Variants in SAMM50 observed in about 807,000 individuals in gnomAD.
SAMM50 encodes sorting and assembly machinery component 50 homolog.
A neutral mutation model predicts 66.9 loss-of-function variants in SAMM50; 47 were observed. The ratio of observed to expected loss-of-function variants is 0.70; its 90% CI spans 0.56 to 0.90. The LOEUF is 0.90. Among genes scored for constraint, SAMM50 ranks in the 40% least tolerant of loss-of-function variants. The pLI, the probability that SAMM50 is intolerant of heterozygous loss-of-function variation, is 0.00. For synonymous variants in SAMM50, 191 were observed against 214.1 expected (o/e 0.89, Z 0.94); for missense variants, 535 against 595.3 (o/e 0.90, Z 1.05).
At chr22:43,959,423 A>G (rs2050137016) in intron 1 of SAMM50, among the ~76,000 whole-genome samples, 1 of 151,764 alleles carries the variant, frequency 6.6e-6, no homozygotes, top group Non-Finnish European at 1.5e-5. Context: ...CATGGTGCTC[A>G]ATACACACTT....
Position 43,989,177 on chromosome 22 carries a change from G to T in SAMM50, c.1142G>T (p.Arg381Leu), listed in dbSNP as rs765065046. The T allele has an allele frequency of 3.1e-6, 5 of 1,614,120 alleles. No homozygotes were observed. The highest frequency in any genetic ancestry group is 4.2e-6 in the Non-Finnish European group (5 of 1,180,034). The part of the protein sequence containing the change: ...GLHLYTPLPF[R>L]PGQGGFGELF... ...CACCTCTACACCCCATTACCTTTCC[G>T]GCCAGGCCAGGGTGGCTTTGGAGAA... Residue 381 changes from arginine (R) to leucine (L), a missense_variant, in exon 13 of 15, where the codon CGG becomes CTG. By Grantham distance (102) the Arg-to-Leu change is moderately radical. Coordinates refer to ENST00000350028, the MANE Select transcript of SAMM50 (RefSeq NM_015380.5).
chr22:43,987,873 GAAAA>G (rs1230920296), intron 12 of SAMM50: 5 of 149,250 alleles, frequency 3.4e-5, no homozygotes, highest in Non-Finnish European at 3.0e-5. Context: ...TATTAAAACT[GAAAA>G]AAAGTAGGAC....
At chr22:43,967,676 T>C (rs1158401493) in intron 3 of SAMM50, among the ~76,000 whole-genome samples, 1 of 152,214 alleles carries the variant, frequency 6.6e-6, no homozygotes, top group African/African-American at 2.4e-5. Flanking sequence ...TGTGATCCGT[T>C]CTTTCTCACA....
chr22:43,977,516 T>C (rs141099536), intron 9 of SAMM50, among the ~76,000 whole-genome samples: 101 of 152,304 alleles, frequency 6.6e-4, no homozygotes, highest in African/African-American at 2.3e-3. Flanking sequence ...ATCAGGTTTT[T>C]ATACAAAATA....
At chr22:43,972,790 A>G in intron 5 of SAMM50, 81 bp from the exon 6 acceptor site, 11 of 1,284,372 alleles carry the variant, frequency 8.6e-6, no homozygotes, top group Non-Finnish European at 1.1e-5. Flanking sequence ...AAAGTCCCTT[A>G]GCTAGCATAG....
chr22:43,996,453 C>T lies in SAMM50; in HGVS notation c.*70C>T, dbSNP rs115108392. On this transcript the variant is annotated 3_prime_UTR_variant, in exon 15 of 15. Coordinates refer to ENST00000350028, the MANE Select transcript of SAMM50 (RefSeq NM_015380.5). ...GGCGCCCATGCCACACACCGTCTCT[C>T]GAGGAAACGCGGTTCAGCGATTCTT... 8.7e-4 allele frequency: 1,236 copies of T among 1,420,036 alleles called. 8 individuals carry two copies. In the African/African-American group the frequency reaches 0.015, roughly 18 times the overall value. The allele number at this position is 1,420,036 out of a possible 1,614,324, so 88.0% of individuals were successfully genotyped here. A position where few individuals can be genotyped will look rare whatever the true frequency, so the allele number is the denominator to read the frequency against.
intron 2 of SAMM50, among the ~76,000 whole-genome samples, chr22:43,963,908 A>AAAT (rs766076678): frequency 4.0e-5 from 6 of 151,732 alleles, no homozygotes; most frequent in Non-Finnish European, 8.8e-5. Context: ...TGTTTTTTTT[A>AAAT]TTTTTAAAAT....
chr22:43,989,217 CTTCT>C lies in SAMM50; in HGVS notation c.1187_1190del (p.Phe396SerfsTer70), dbSNP rs762906209. The C allele has an allele frequency of 6.2e-7, 1 of 1,614,178 alleles. No homozygotes were observed. Among genetic ancestry groups the C allele is most frequent in the Non-Finnish European group, 8.5e-7 (1 of 1,180,034 alleles). On this transcript the variant is annotated frameshift_variant, in exon 13 of 15. Transcript: ENST00000350028. LOFTEE classifies it high-confidence loss of function. ...GCTTTGGAGAACTTTTCCGAACACA[CTTCT>C]TTCTCAACGCAGGAAACCTCTGCAA... is the stretch of plus-strand genomic sequence containing the variant.
In SAMM50 at chr22:43,996,402, A is replaced by G; in HGVS notation, c.*19A>G. On this transcript the variant is annotated 3_prime_UTR_variant, in exon 15 of 15. Coordinates refer to ENST00000350028, the MANE Select transcript of SAMM50 (RefSeq NM_015380.5). ...CCTGTAGCCGACACCCCTACAGGAGAAGCTCTGGGACTGGGGCAGCAGCAA... is the reference window on the plus strand; with the variant it reads ...CCTGTAGCCGACACCCCTACAGGAGGAGCTCTGGGACTGGGGCAGCAGCAA... The G allele has an allele frequency of 6.2e-7, 1 of 1,613,214 alleles. No individual in the cohort carries two copies. The highest frequency in any genetic ancestry group is 1.1e-5 in the South Asian group (1 of 91,046).
rs1369536613 is a variant in SAMM50, at chr22:43,961,115, G to A, written c.22-2171G>A. 2.6e-5 allele frequency among the ~76,000 whole-genome samples: 4 copies of A among 152,158 alleles called. No homozygotes were observed. The South Asian group carries it at 8.3e-4, about 32-fold the overall frequency. ...ATACTGGCAGGTCAGTTACCTTTCCGGGGAAAAGTGGATAGTAGCCCAGAG... is the reference window on the plus strand; with the variant it reads ...ATACTGGCAGGTCAGTTACCTTTCCAGGGAAAAGTGGATAGTAGCCCAGAG... On this transcript the variant is annotated intron_variant, in intron 1 of 14. Transcript: ENST00000350028.
At chr22:43,981,585 G>T in intron 11 of SAMM50, 124 bp downstream of exon 11, 3 of 643,476 alleles carry the variant, frequency 4.7e-6, no homozygotes, top group East Asian at 3.1e-5. Context: ...TATTCCTTTA[G>T]TATTTATGTT....
chr22:43,990,485 A>G (rs1229842143), intron 14 of SAMM50, 79 bp downstream of exon 14: 1 of 1,356,746 alleles, frequency 7.4e-7, no homozygotes, highest in Non-Finnish European at 1.0e-6. Context: ...GGTTAATTTC[A>G]TTAGTGGCTT....
chr22:43,990,135 C>T (rs2050315355), intron 13 of SAMM50, 130 bp from the exon 14 acceptor site: 1 of 1,022,318 alleles, frequency 9.8e-7, no homozygotes. Context: ...TGCATCCTCC[C>T]TAATCTCTAG....
At chr22:43,957,363 A>G in intron 1 of SAMM50, 2 of 515,374 alleles carry the variant, frequency 3.9e-6, no homozygotes, top group South Asian at 2.5e-5. Flanking sequence ...ATGAAAAGTC[A>G]ATAAATCAAT....
At chr22:43,973,489 C>T (rs1440772995) in intron 7 of SAMM50, among the ~76,000 whole-genome samples, 166 bp downstream of exon 7, 1 of 152,216 alleles carries the variant, frequency 6.6e-6, no homozygotes, top group Non-Finnish European at 1.5e-5. Context: ...GTACAGGCTA[C>T]AGGGACCCGA....
chr22:43,989,276 A>T lies in SAMM50; in HGVS notation c.1222+19A>T, dbSNP rs559876133. 5.0e-6 allele frequency: 8 copies of T among 1,613,636 alleles called. 1 individual carries two copies. In the South Asian group the frequency reaches 8.8e-5, roughly 18 times the overall value. On this transcript the variant is annotated intron_variant, in intron 13 of 14. Coordinates refer to ENST00000350028, the MANE Select transcript of SAMM50 (RefSeq NM_015380.5). ...AACTATGGTAAAACTTGCGCTATTC[A>T]AGAAACCATTGTAGTACAGTTGTTT...
intron 5 of SAMM50, 24 bp from the exon 6 acceptor site, chr22:43,972,847 T>C (rs1555887839): frequency 6.7e-7 from 1 of 1,492,666 alleles, no homozygotes; most frequent in Non-Finnish European, 9.0e-7. Context: ...AGACCACTGC[T>C]ATTTTTTTTT....
At position 43,989,094 on chromosome 22, in the gene SAMM50, A is replaced by T. The variant is rs1046848116; in HGVS notation, c.1076-17A>T. ...TTGTCGGACCTTGTTTTTGTTCTGC[A>T]CCCCTCCTTTGCTTAGGAGACTACC... On this transcript the variant is annotated splice_polypyrimidine_tract_variant and intron_variant, in intron 12 of 14. Transcript: ENST00000350028. The T allele has an allele frequency of 3.1e-6, 5 of 1,604,752 alleles. No homozygotes were observed. In the African/African-American group the frequency reaches 5.4e-5, roughly 17 times the overall value.
intron 1 of SAMM50, 112 bp from the exon 2 acceptor site, chr22:43,963,174 A>G (rs1484632703): frequency 6.2e-6 from 4 of 643,382 alleles, no homozygotes; most frequent in Non-Finnish European, 1.1e-5. Flanking sequence ...CCTCTACTTG[A>G]AGGGAACAAC....
Sources: allele counts gnomAD v4.1 joint callset (sites outside exome capture counted in the v4.1 genomes callset), GRCh38; gene constraint gnomAD v4.1.1; transcripts MANE v1.5; gene names NCBI Gene and HGNC (gene_info 2026-07-23, HGNC 2026-07-21).